PTPRR: variants seen among roughly 807,000 people sequenced by gnomAD.
PTPRR encodes receptor-type tyrosine-protein phosphatase R.
A neutral mutation model predicts 77.2 loss-of-function variants in PTPRR; 38 were observed. The observed-to-expected ratio is 0.49, with a 90% CI of 0.38 to 0.65. The LOEUF is 0.65. Among genes scored for constraint, PTPRR ranks in the 30% least tolerant of loss-of-function variants. The pLI is 0.00. For missense variants in PTPRR, 744 were observed against 799.2 expected, an observed-to-expected ratio of 0.93 and a Z score of 0.83; for synonymous variants, 299 against 283.1, an observed-to-expected ratio of 1.06 and a Z score of -0.57.
chr12:70,770,997 A>C (rs1196181876), intron 2 of PTPRR, among the ~76,000 whole-genome samples: 1 of 80,546 alleles, frequency 1.2e-5, no homozygotes, highest in Non-Finnish European at 2.3e-5. Context: ...CACTCTGGGG[A>C]CTGTTGTGGG....
intron 6 of PTPRR, among the ~76,000 whole-genome samples, chr12:70,740,774 T>C (rs1414843997): frequency 6.6e-6 from 1 of 152,156 alleles, no homozygotes; most frequent in Admixed American, 6.5e-5. Context: ...GTCTTTATGG[T>C]CTCCTGGTGA....
chr12:70,679,451 C>T (rs1489412726), intron 10 of PTPRR, among the ~76,000 whole-genome samples: 1 of 152,166 alleles, frequency 6.6e-6, no homozygotes, highest in East Asian at 1.9e-4. Context: ...TATTTTCTGT[C>T]TGGATGATCT....
At chr12:70,807,449 A>G (rs1891730729) in intron 2 of PTPRR, among the ~76,000 whole-genome samples, 2 of 152,186 alleles carry the variant, frequency 1.3e-5, no homozygotes, top group South Asian at 4.1e-4. Context: ...CCTCTTCACG[A>G]AATTTTGTAT....
At chr12:70,681,729 T>G (rs1195670596) in intron 10 of PTPRR, among the ~76,000 whole-genome samples, 1 of 152,204 alleles carries the variant, frequency 6.6e-6, no homozygotes, top group African/African-American at 2.4e-5. Flanking sequence ...ATTCGGCTTC[T>G]CTAGTCGGCT....
At chr12:70,693,575 A>C (rs762283855) in intron 8 of PTPRR, among the ~76,000 whole-genome samples, 2 of 152,202 alleles carry the variant, frequency 1.3e-5, no homozygotes, top group South Asian at 2.1e-4. Flanking sequence ...GGCTGGTCTC[A>C]AACTCCAGGA....
chr12:70,815,939 GT>G (rs1349792007), intron 2 of PTPRR, among the ~76,000 whole-genome samples: 1 of 152,076 alleles, frequency 6.6e-6, no homozygotes, highest in African/African-American at 2.4e-5. Flanking sequence ...GCTTTTAGCT[GT>G]TTTTTCCCTA....
At chr12:70,864,817 G>C (rs767160600) in intron 2 of PTPRR, among the ~76,000 whole-genome samples, 4 of 152,038 alleles carry the variant, frequency 2.6e-5, no homozygotes, top group Non-Finnish European at 2.9e-5. Context: ...TTTTGTTGCT[G>C]TTGTTGTTTT....
intron 7 of PTPRR, among the ~76,000 whole-genome samples, chr12:70,700,331 T>C (rs1888374090): frequency 6.6e-6 from 1 of 152,188 alleles, no homozygotes. Context: ...TAAGAAGGTT[T>C]AATCTTACTT....
At chr12:70,830,615 T>A (rs1168603444) in intron 2 of PTPRR, among the ~76,000 whole-genome samples, 1 of 152,226 alleles carries the variant, frequency 6.6e-6, no homozygotes, top group East Asian at 1.9e-4. Flanking sequence ...CAGCTTTCAT[T>A]ATATTTTAAG....
chr12:70,727,566 C>T (rs1889487379), intron 6 of PTPRR, among the ~76,000 whole-genome samples: 1 of 152,084 alleles, frequency 6.6e-6, no homozygotes, highest in Non-Finnish European at 1.5e-5. Flanking sequence ...AAAAGTGTGT[C>T]TGAGAGTATT....
intron 6 of PTPRR, among the ~76,000 whole-genome samples, chr12:70,733,450 GA>G (rs1191607128): frequency 1.3e-5 from 1 of 75,538 alleles, no homozygotes; most frequent in African/African-American, 8.0e-5. Context: ...AAAAAAGAAA[GA>G]AAAAAAGAAA....
At chr12:70,772,156 A>C (rs1453684413) in intron 2 of PTPRR, among the ~76,000 whole-genome samples, 1 of 152,198 alleles carries the variant, frequency 6.6e-6, no homozygotes, top group Non-Finnish European at 1.5e-5. Context: ...CAAGGTAGGG[A>C]AACCAAATCT....
intron 13 of PTPRR, among the ~76,000 whole-genome samples, chr12:70,652,538 T>C (rs1355216570): frequency 6.6e-6 from 1 of 152,196 alleles, no homozygotes; most frequent in Non-Finnish European, 1.5e-5. Flanking sequence ...AGAAAGGGTC[T>C]TGATGAAGAA....
intron 2 of PTPRR, 29 bp downstream of exon 2, chr12:70,892,650 C>A (rs547492364): frequency 9.3e-6 from 15 of 1,604,588 alleles, no homozygotes; most frequent in Admixed American, 1.7e-5. Flanking sequence ...TCAACATCAG[C>A]CTCAGCATCA....
chr12:70,712,493 C>A (rs747392918), intron 6 of PTPRR, among the ~76,000 whole-genome samples: 1 of 149,862 alleles, frequency 6.7e-6, no homozygotes, highest in Non-Finnish European at 1.5e-5. Flanking sequence ...GCAAGATAAC[C>A]CTGAAAATCA....
intron 6 of PTPRR, among the ~76,000 whole-genome samples, chr12:70,703,008 T>A (rs1282614909): frequency 6.6e-6 from 1 of 152,114 alleles, no homozygotes. Flanking sequence ...TTGAAGATAT[T>A]ACTTTATTCC....
chr12:70,827,971 C>T (rs1372453699), intron 2 of PTPRR, among the ~76,000 whole-genome samples: 1 of 152,032 alleles, frequency 6.6e-6, no homozygotes, highest in African/African-American at 2.4e-5. Flanking sequence ...CTGTCTGCCT[C>T]AACCTCCCAA....
chr12:70,734,351 G>T (rs1262697594), intron 6 of PTPRR, among the ~76,000 whole-genome samples: 1 of 152,150 alleles, frequency 6.6e-6, no homozygotes, highest in African/African-American at 2.4e-5. Flanking sequence ...AAGACAAAAA[G>T]AACTTTATAG....
intron 2 of PTPRR, among the ~76,000 whole-genome samples, chr12:70,792,419 T>C (rs1275051583): frequency 6.6e-6 from 1 of 152,186 alleles, no homozygotes. Flanking sequence ...CAAGTAAAGG[T>C]TGGACCCATT....
Sources: gnomAD v4.1 joint callset for allele counts (sites outside exome capture counted in the v4.1 genomes callset) on GRCh38, gnomAD v4.1.1 for gene constraint, MANE v1.5 for transcripts, NCBI Gene and HGNC (gene_info 2026-07-23, HGNC 2026-07-21) for gene names.